Variants in NKIRAS1 observed in about 807,000 individuals in gnomAD.
NKIRAS1 encodes the protein NFKB inhibitor interacting Ras like 1.
In NKIRAS1, 16 loss-of-function variants were observed where a neutral mutation model predicts 19.8. That is an observed-to-expected ratio of 0.81 (90% CI 0.55 to 1.23). The LOEUF is 1.23. Among genes scored for constraint, NKIRAS1 ranks in the 50% most tolerant of loss-of-function variants. NKIRAS1 has a pLI of 0.00. For missense variants in NKIRAS1, 184 were observed against 220.0 expected (o/e 0.84, Z 1.04); for synonymous variants, 88 against 79.0 (o/e 1.11, Z -0.61).
chr3:23,901,137 G>T, intron 3 of NKIRAS1, 88 bp from the exon 4 acceptor site: 2 of 1,389,766 alleles, frequency 1.4e-6, no homozygotes, highest in South Asian at 1.4e-5. Context: ...TGGCTTTCTA[G>T]GTTTCTTATT....
chr3:23,904,975 G>A (rs1030055192), intron 3 of NKIRAS1, among the ~76,000 whole-genome samples: 1 of 152,020 alleles, frequency 6.6e-6, no homozygotes, highest in African/African-American at 2.4e-5. Flanking sequence ...CCACAGCTAC[G>A]GCAAAATGGA....
At chr3:23,901,520 A>G (rs572060056) in intron 3 of NKIRAS1, among the ~76,000 whole-genome samples, 13 of 152,300 alleles carry the variant, frequency 8.5e-5, no homozygotes, top group African/African-American at 1.7e-4. Context: ...TCTTCTGCAT[A>G]AAAATAAAAA....
At chr3:23,912,968 TA>T (rs950123239) in intron 1 of NKIRAS1, among the ~76,000 whole-genome samples, 20 of 142,752 alleles carry the variant, frequency 1.4e-4, no homozygotes, top group African/African-American at 5.4e-4. Context: ...TACAAAAAAT[TA>T]GGTGGGGCTT....
At chr3:23,923,152 A>G (rs1192520779) in intron 1 of NKIRAS1, 1 of 151,312 alleles carries the variant, frequency 6.6e-6, no homozygotes, top group Non-Finnish European at 1.5e-5. Flanking sequence ...GATATGATAC[A>G]CATTGTTGAT....
intron 1 of NKIRAS1, among the ~76,000 whole-genome samples, chr3:23,928,100 C>CCA (rs66482461): frequency 0.015 from 2,244 of 146,128 alleles, 32 homozygotes; most frequent in East Asian, 0.066. Context: ...TCTCTACACA[C>CCA]CACACACACA....
chr3:23,905,686 G>T (rs1702957741), intron 3 of NKIRAS1, among the ~76,000 whole-genome samples: 1 of 151,884 alleles, frequency 6.6e-6, no homozygotes, highest in Non-Finnish European at 1.5e-5. Context: ...GAAGCCCCAG[G>T]GTCACGACTA....
rs1275276917 is a variant in NKIRAS1, at chr3:23,926,309, C to A, written c.-139-14859G>T. On this transcript the variant is annotated intron_variant, in intron 1 of 4. Coordinates refer to the NKIRAS1 transcript ENST00000421515. The surrounding 1 kb of genome is among the most constrained non-coding windows in gnomAD (Gnocchi z 4.3). ...TTAGGTGATCCACCTGCCTTGGACT[C>A]CCAAAGTGCTGGGATTATAGGTATG... Among the ~76,000 whole-genome samples the A allele has an allele frequency of 6.6e-6, 1 of 152,164 alleles. No homozygotes were observed. Among genetic ancestry groups the A allele is most frequent in the Admixed American group, 6.5e-5 (1 of 15,270 alleles).
intron 1 of NKIRAS1, chr3:23,946,121 CCCT>C: frequency 2.0e-6 from 2 of 985,014 alleles, no homozygotes; most frequent in Non-Finnish European, 2.4e-6. Context: ...CGCCGCGATT[CCCT>C]CCTCCCCCGC....
upstream of NKIRAS1, chr3:23,920,483 C>G (rs960537200): frequency 1.0e-6 from 1 of 985,148 alleles, no homozygotes; most frequent in African/African-American, 1.7e-5. Context: ...CTTGTGCACC[C>G]ACTTTGACTA....
At chr3:23,906,856 C>T (rs1703113904) in intron 3 of NKIRAS1, among the ~76,000 whole-genome samples, 1 of 152,006 alleles carries the variant, frequency 6.6e-6, no homozygotes, top group Non-Finnish European at 1.5e-5. Context: ...ACCTCTTATA[C>T]ATTTTAAAAT....
intron 1 of NKIRAS1, chr3:23,945,533 C>A (rs1365733056): frequency 2.7e-6 from 3 of 1,098,654 alleles, no homozygotes; most frequent in East Asian, 4.4e-5. Flanking sequence ...CGGCGCTGCC[C>A]CCTCTGCGGG....
intron 1 of NKIRAS1, among the ~76,000 whole-genome samples, chr3:23,913,965 C>T (rs1704031702): frequency 6.6e-6 from 1 of 152,192 alleles, no homozygotes; most frequent in African/African-American, 2.4e-5. Flanking sequence ...GCAGTAGTTA[C>T]AGCTACTTGT....
intron 1 of NKIRAS1, among the ~76,000 whole-genome samples, chr3:23,928,999 TA>T (rs539612913): frequency 0.21 from 25,154 of 122,304 alleles, 2,202 homozygotes; most frequent in Non-Finnish European, 0.24. Flanking sequence ...TCCATCTCTT[TA>T]AAAAAAAAAA....
Position 23,945,521 on chromosome 3 carries a change from G to GGCA in NKIRAS1, c.-140+801_-140+802insTGC, listed in dbSNP as rs2125275385. ...GGCGGCGCGGCGCTGAGGCGGCGGC[G>GGCA]GCGGCGCTGCCCCCTCTGCGGGAAG... On this transcript the variant is annotated intron_variant, in intron 1 of 4. Transcript: ENST00000421515. The GGCA allele has an allele frequency of 4.6e-6, 5 of 1,093,690 alleles. No homozygotes were observed. The East Asian group carries it at 1.9e-4, about 41-fold the overall frequency. The allele number at this position is 1,093,690 out of a possible 1,614,324, so 67.7% of individuals were successfully genotyped here.
intron 1 of NKIRAS1, among the ~76,000 whole-genome samples, chr3:23,925,672 T>C (rs1705201104): frequency 1.3e-5 from 2 of 148,474 alleles, no homozygotes; most frequent in South Asian, 4.3e-4. Flanking sequence ...GTACTTTTAC[T>C]CAGTTTTTGT....
At chr3:23,906,898 T>G (rs1041507891) in intron 3 of NKIRAS1, among the ~76,000 whole-genome samples, 1 of 152,146 alleles carries the variant, frequency 6.6e-6, no homozygotes. Flanking sequence ...GTTTTTGTTT[T>G]GTTTTGTTTT....
chr3:23,910,677 C>A, intron 3 of NKIRAS1, 134 bp downstream of exon 3: 2 of 648,550 alleles, frequency 3.1e-6, no homozygotes, highest in Non-Finnish European at 5.4e-6. Context: ...TTTCTTACCT[C>A]TTAATCTCTT....
At position 23,927,077 on chromosome 3, in the gene NKIRAS1, C is replaced by T. The variant is rs564014474; in HGVS notation, c.-139-15627G>A. Among the ~76,000 whole-genome samples the T allele has an allele frequency of 8.9e-4, 135 of 152,194 alleles. No homozygotes were observed. Among genetic ancestry groups the T allele is most frequent in the Non-Finnish European group, 1.7e-3 (118 of 68,034 alleles). ...GGAAGGCTGACTAGACATTTAGCTT[C>T]TCCATCGATTTTAGTTATTCTTATT... On this transcript the variant is annotated intron_variant, in intron 1 of 4. Transcript: ENST00000421515. This position sits in a 1 kb window ranked among gnomAD's most constrained non-coding sequence, Gnocchi z 4.0.
intron 3 of NKIRAS1, among the ~76,000 whole-genome samples, chr3:23,902,569 A>AT (rs1209412300): frequency 3.3e-5 from 5 of 152,120 alleles, no homozygotes; most frequent in African/African-American, 4.8e-5. Context: ...TTGTCATGTG[A>AT]TTTTTTTATC....
Sources: gnomAD v4.1 joint callset for allele counts (sites outside exome capture counted in the v4.1 genomes callset) on GRCh38, gnomAD v4.1.1 for gene constraint, Gnocchi (gnomAD v3.1) non-coding constraint, MANE v1.5 for transcripts, NCBI Gene and HGNC (gene_info 2026-07-23, HGNC 2026-07-21) for gene names.